PTPRD: variants seen among roughly 807,000 people sequenced by gnomAD.
The protein encoded by PTPRD is receptor-type tyrosine-protein phosphatase delta.
PTPRD carries 34 observed loss-of-function variants against 214.5 expected under a neutral mutation model. The observed-to-expected ratio is 0.16, with a 90% CI of 0.12 to 0.21. The LOEUF (loss-of-function observed/expected upper bound fraction) is 0.21. PTPRD is among the 10% of genes least tolerant of loss of function. PTPRD has a pLI of 1.00. For synonymous variants in PTPRD, 1,128 were observed against 845.7 expected, an observed-to-expected ratio of 1.33 and a Z score of -5.79; for missense variants, 2,545 against 2,398.7, an observed-to-expected ratio of 1.06 and a Z score of -1.27.
chr9:10,260,724 A>G (rs892484963), intron 3 of PTPRD, among the ~76,000 whole-genome samples: 1 of 152,110 alleles, frequency 6.6e-6, no homozygotes, highest in Non-Finnish European at 1.5e-5. Flanking sequence ...GAGAAAGAGC[A>G]TGCAAGTTCC....
At chr9:9,518,665 G>A (rs1325275960) in intron 8 of PTPRD, among the ~76,000 whole-genome samples, 3 of 152,036 alleles carry the variant, frequency 2.0e-5, no homozygotes, top group Admixed American at 1.3e-4. Flanking sequence ...GAAAGACATA[G>A]TTCTCCACTT....
intron 11 of PTPRD, among the ~76,000 whole-genome samples, chr9:8,898,762 G>C (rs1187816585): frequency 6.6e-6 from 1 of 152,122 alleles, no homozygotes; most frequent in Non-Finnish European, 1.5e-5. Flanking sequence ...ACACTGGTAT[G>C]ATGGGACAGA....
At chr9:9,289,395 A>C (rs1264609671) in intron 9 of PTPRD, among the ~76,000 whole-genome samples, 1 of 151,886 alleles carries the variant, frequency 6.6e-6, no homozygotes, top group South Asian at 2.1e-4. Context: ...AATGTGTACA[A>C]TGTGATTTCA....
At chr9:9,272,371 C>T (rs1943283284) in intron 9 of PTPRD, among the ~76,000 whole-genome samples, 1 of 151,128 alleles carries the variant, frequency 6.6e-6, no homozygotes, top group Non-Finnish European at 1.5e-5. Context: ...CTTGTGAAAT[C>T]CAAAATATTT....
intron 8 of PTPRD, among the ~76,000 whole-genome samples, chr9:9,570,083 A>T (rs1290137369): frequency 6.6e-6 from 1 of 151,546 alleles, no homozygotes; most frequent in Non-Finnish European, 1.5e-5. Flanking sequence ...CTGTGTAATC[A>T]ATTCATTATT....
chr9:9,556,431 G>A (rs1212127024), intron 8 of PTPRD, among the ~76,000 whole-genome samples: 2 of 152,090 alleles, frequency 1.3e-5, no homozygotes, highest in Non-Finnish European at 2.9e-5. Context: ...AAGTGGACCT[G>A]CCAGTCCAAA....
At chr9:8,439,886 G>A (rs1031648051) in intron 34 of PTPRD, among the ~76,000 whole-genome samples, 1 of 141,590 alleles carries the variant, frequency 7.1e-6, no homozygotes, top group African/African-American at 2.6e-5. Context: ...ATAAACCAAA[G>A]TCTTTACTAC....
chr9:9,770,009 T>C (rs565224553), intron 5 of PTPRD, among the ~76,000 whole-genome samples: 72 of 152,202 alleles, frequency 4.7e-4, no homozygotes, highest in Non-Finnish European at 5.7e-4. Flanking sequence ...AGTCTATCAC[T>C]GATGGGCATT....
intron 14 of PTPRD, among the ~76,000 whole-genome samples, chr9:8,598,279 C>T (rs1222640708): frequency 6.6e-6 from 1 of 152,028 alleles, no homozygotes; most frequent in Non-Finnish European, 1.5e-5. Flanking sequence ...TGGTGAAACC[C>T]TGTCTCTATT....
intron 43 of PTPRD, among the ~76,000 whole-genome samples, chr9:8,333,891 ATAAAACTGATGACT>A (rs1843991494): frequency 6.6e-6 from 1 of 152,316 alleles, no homozygotes; most frequent in African/African-American, 2.4e-5. Context: ...CTAGTCTCTG[ATAAAACTGATGACT>A]TTAAACCAAC....
chr9:10,240,442 G>C (rs1041326227), intron 3 of PTPRD, among the ~76,000 whole-genome samples: 2 of 151,846 alleles, frequency 1.3e-5, no homozygotes, highest in African/African-American at 4.8e-5. Flanking sequence ...TTAAGTACAG[G>C]AAAAGAGAAT....
chr9:10,581,349 G>A (rs1046878917), intron 2 of PTPRD, among the ~76,000 whole-genome samples: 14 of 152,088 alleles, frequency 9.2e-5, no homozygotes, highest in African/African-American at 1.9e-4. Context: ...TATTTTTCTT[G>A]CATCTACTCC....
At chr9:9,433,436 T>A (rs146016420) in intron 8 of PTPRD, among the ~76,000 whole-genome samples, 5 of 152,200 alleles carry the variant, frequency 3.3e-5, no homozygotes, top group Non-Finnish European at 7.3e-5. Flanking sequence ...AGAAGGCTTA[T>A]ACATGTAGGT....
At chr9:9,939,795 C>T (rs954538329) in intron 4 of PTPRD, among the ~76,000 whole-genome samples, 2 of 152,070 alleles carry the variant, frequency 1.3e-5, no homozygotes, top group African/African-American at 2.4e-5. Context: ...CTATGCAGTA[C>T]GATGTGAAGG....
intron 4 of PTPRD, among the ~76,000 whole-genome samples, chr9:9,984,278 G>A (rs1163791170): frequency 6.6e-6 from 1 of 152,086 alleles, no homozygotes; most frequent in Non-Finnish European, 1.5e-5. Context: ...ATTAAATCAT[G>A]AAAAAAGATT....
At chr9:9,611,323 C>T (rs1273373967) in intron 7 of PTPRD, among the ~76,000 whole-genome samples, 1 of 152,106 alleles carries the variant, frequency 6.6e-6, no homozygotes, top group Non-Finnish European at 1.5e-5. Flanking sequence ...ATGCCATACA[C>T]ATATCTCCAC....
chr9:10,414,322 A>G (rs2098466637), intron 2 of PTPRD, among the ~76,000 whole-genome samples: 1 of 152,074 alleles, frequency 6.6e-6, no homozygotes, highest in South Asian at 2.1e-4. Flanking sequence ...CATGAGGCCA[A>G]CAAGCACATG....
intron 21 of PTPRD, among the ~76,000 whole-genome samples, chr9:8,509,881 G>A (rs1192683397): frequency 2.0e-5 from 3 of 152,096 alleles, no homozygotes; most frequent in Non-Finnish European, 4.4e-5. Context: ...TTGGCTAGAC[G>A]ACTTGATGCA....
chr9:10,328,873 G>C (rs2096697433), intron 3 of PTPRD, among the ~76,000 whole-genome samples: 1 of 151,750 alleles, frequency 6.6e-6, no homozygotes, highest in Admixed American at 6.6e-5. Context: ...TTCGATGGAA[G>C]ATCTCTGACT....
Sources: allele counts gnomAD v4.1 joint callset (sites outside exome capture counted in the v4.1 genomes callset), GRCh38; gene constraint gnomAD v4.1.1; transcripts MANE v1.5; gene names NCBI Gene and HGNC (gene_info 2026-07-23, HGNC 2026-07-21).